USP6NL: variants seen among roughly 807,000 people sequenced by gnomAD.
USP6NL encodes USP6 N-terminal like.
A neutral mutation model predicts 61.9 loss-of-function variants in USP6NL; 26 were observed. The ratio of observed to expected loss-of-function variants is 0.42; its 90% confidence interval spans 0.31 to 0.58. USP6NL has a LOEUF of 0.58. USP6NL is among the 20% of genes least tolerant of loss of function. The probability of loss-of-function intolerance (pLI) is 0.16; values close to 1 mark genes in which losing one functional copy is unlikely to be tolerated. For missense variants in USP6NL, 1,114 were observed against 1,034.3 expected (o/e 1.08, Z -1.06); for synonymous variants, 432 against 390.1 (o/e 1.11, Z -1.27).
chr10:11,549,788 A>T (rs1191355088), intron 2 of USP6NL, among the ~76,000 whole-genome samples: 1 of 152,222 alleles, frequency 6.6e-6, no homozygotes, highest in African/African-American at 2.4e-5. Flanking sequence ...GGAAGTTACC[A>T]TCTCTTCTAC....
At position 11,590,709 on chromosome 10, in the gene USP6NL, T is replaced by C. The variant is rs771249862; in HGVS notation, c.4+6922A>G. On this transcript the variant is annotated intron_variant, in intron 2 of 14. Coordinates refer to ENST00000609104, the MANE Select transcript of USP6NL (RefSeq NM_014688.5). ...ATCAAACTCTATTTTCTAAAACTAA[T>C]GAAAGAGATAACAAGACGAATATTT... Among the ~76,000 whole-genome samples the C allele has an allele frequency of 2.0e-5, 3 of 152,076 alleles. No individual in the cohort carries two copies. In the East Asian group the frequency reaches 5.8e-4, roughly 29 times the overall value.
intron 1 of USP6NL, among the ~76,000 whole-genome samples, chr10:11,610,495 T>C (rs528164332): frequency 6.0e-4 from 91 of 152,356 alleles, no homozygotes; most frequent in African/African-American, 2.2e-3. Flanking sequence ...AAGTTCTGTG[T>C]AACTTTTCTA....
chr10:11,539,535 G>C (rs547994584), intron 2 of USP6NL, among the ~76,000 whole-genome samples: 1 of 152,336 alleles, frequency 6.6e-6, no homozygotes, highest in South Asian at 2.1e-4. Context: ...TACTACTGAA[G>C]AGAAACATAA....
In USP6NL at chr10:11,518,385, T is replaced by C. The variant is rs1325506221; in HGVS notation, c.195+150A>G. The C allele has an allele frequency of 2.8e-6, 2 of 717,508 alleles. No homozygotes were observed. Among genetic ancestry groups the C allele is most frequent in the African/African-American group, 1.8e-5 (1 of 54,748 alleles). 44.4% of individuals were successfully genotyped at this position (717,508 alleles called of 1,614,324 possible). A position where few individuals can be genotyped will look rare whatever the true frequency, so the allele number is the denominator to read the frequency against. ...AATATTATTTCACCATTAACTATTA[T>C]CTTACAGTGGCATAATGAGGTCCAA... On this transcript the variant is annotated intron_variant, in intron 5 of 14. Coordinates refer to ENST00000609104, the MANE Select transcript of USP6NL (RefSeq NM_014688.5). This position sits in a 1 kb window ranked among gnomAD's most constrained non-coding sequence, Gnocchi z 5.3.
Position 11,481,964 on chromosome 10 carries a change from T to C in USP6NL, c.926-42A>G. The C allele has an allele frequency of 6.5e-7, 1 of 1,549,864 alleles. No homozygotes were observed. The highest frequency in any genetic ancestry group is 8.7e-7 in the Non-Finnish European group (1 of 1,149,224). On this transcript the variant is annotated intron_variant, in intron 13 of 14. Transcript: ENST00000609104. This position sits in a 1 kb window ranked among gnomAD's most constrained non-coding sequence, Gnocchi z 4.4. Reference sequence around the variant, plus strand: ...GAAATGAAAATGCCAAGTCAATAGCTACTTTAGGTAGGAAGATATTCTATT... The same window carrying C: ...GAAATGAAAATGCCAAGTCAATAGCCACTTTAGGTAGGAAGATATTCTATT...
At chr10:11,527,249 G>A (rs974218054) in intron 3 of USP6NL, among the ~76,000 whole-genome samples, 1 of 152,178 alleles carries the variant, frequency 6.6e-6, no homozygotes, top group Non-Finnish European at 1.5e-5. Flanking sequence ...AAGTGTCCCA[G>A]GTAGAGGAAA....
At chr10:11,480,347 C>T (rs1355546565) in intron 14 of USP6NL, among the ~76,000 whole-genome samples, 1 of 152,148 alleles carries the variant, frequency 6.6e-6, no homozygotes, top group African/African-American at 2.4e-5. Context: ...AATTATCTCA[C>T]GTTTAAATAG....
In USP6NL at chr10:11,518,591, G is replaced by A; in HGVS notation, c.156-17C>T. ...TCCTCCTCACTGCAGAGGAAAAACA[G>A]TATTATATGAAATTGTTGAAATCAA... On this transcript the variant is annotated splice_polypyrimidine_tract_variant and intron_variant, in intron 4 of 14. Transcript: ENST00000609104. This position sits in a 1 kb window ranked among gnomAD's most constrained non-coding sequence, Gnocchi z 5.3. 6.2e-7 allele frequency: 1 copy of A among 1,604,214 alleles called. No homozygotes were observed. The highest frequency in any genetic ancestry group is 8.5e-7 in the Non-Finnish European group (1 of 1,175,552).
At chr10:11,546,545 G>T (rs1836278285) in intron 2 of USP6NL, among the ~76,000 whole-genome samples, 1 of 151,844 alleles carries the variant, frequency 6.6e-6, no homozygotes, top group African/African-American at 2.4e-5. Context: ...GGGACTACAG[G>T]TGCCCGCCAC....
intron 6 of USP6NL, among the ~76,000 whole-genome samples, chr10:11,506,161 T>C (rs960304396): frequency 1.3e-5 from 2 of 152,074 alleles, no homozygotes; most frequent in Non-Finnish European, 2.9e-5. Context: ...GCCTCCATTT[T>C]CCAGTCAGTT....
chr10:11,554,459 T>C (rs1027571623), intron 2 of USP6NL, among the ~76,000 whole-genome samples: 1 of 151,664 alleles, frequency 6.6e-6, no homozygotes, highest in Non-Finnish European at 1.5e-5. Context: ...CCTGAGAAAA[T>C]AAAAATTGGA....
chr10:11,568,989 T>C (rs767747947), intron 2 of USP6NL, among the ~76,000 whole-genome samples: 1 of 152,228 alleles, frequency 6.6e-6, no homozygotes, highest in Non-Finnish European at 1.5e-5. Flanking sequence ...GGGTGGACAA[T>C]GAACACTGTC....
intron 2 of USP6NL, among the ~76,000 whole-genome samples, chr10:11,584,257 T>C (rs1019001421): frequency 2.0e-5 from 3 of 152,180 alleles, no homozygotes; most frequent in Admixed American, 2.0e-4. Context: ...TTGGAATAAA[T>C]GTTAATTCAA....
At chr10:11,504,100 G>T (rs1267788844) in intron 6 of USP6NL, among the ~76,000 whole-genome samples, 2 of 152,036 alleles carry the variant, frequency 1.3e-5, no homozygotes, top group Non-Finnish European at 2.9e-5. Flanking sequence ...AACAAAACAT[G>T]AACACAAAAT....
Position 11,478,653 on chromosome 10 carries a change from C to T in USP6NL, c.1078+3117G>A, listed in dbSNP as rs1833066494. Among the ~76,000 whole-genome samples, 1 of 152,112 alleles carries T rather than the reference C, an allele frequency of 6.6e-6. No homozygotes were observed. Among genetic ancestry groups the T allele is most frequent in the Non-Finnish European group, 1.5e-5 (1 of 68,024 alleles). ...CTGGAGGCCGGATACTCCTGTTATC[C>T]TAGCACTTTGGGAGGCTGAGGTGGG... On this transcript the variant is annotated intron_variant, in intron 14 of 14. Coordinates refer to ENST00000609104, the MANE Select transcript of USP6NL (RefSeq NM_014688.5). This position sits in a 1 kb window ranked among gnomAD's most constrained non-coding sequence, Gnocchi z 6.8.
Position 11,468,170 on chromosome 10 carries a change from G to A in USP6NL, c.1079-4321C>T, listed in dbSNP as rs1832559592. 6.6e-6 allele frequency among the ~76,000 whole-genome samples: 1 copy of A among 152,142 alleles called. No homozygotes were observed. The highest frequency in any genetic ancestry group is 6.5e-5 in the Admixed American group (1 of 15,274). ...CATTTATTGATTCTTGCCTCAGACA[G>A]GCATCATGTTTACTTGTCTGTGATT... is the stretch of plus-strand genomic sequence containing the variant. On this transcript the variant is annotated intron_variant, in intron 14 of 14. Transcript: ENST00000609104. The surrounding 1 kb of genome is among the most constrained non-coding windows in gnomAD (Gnocchi z 4.5).
At position 11,489,535 on chromosome 10, in the gene USP6NL, T is replaced by C. The variant is rs1833623087; in HGVS notation, c.544-313A>G. On this transcript the variant is annotated intron_variant, in intron 9 of 14. Coordinates refer to ENST00000609104, the MANE Select transcript of USP6NL (RefSeq NM_014688.5). The surrounding 1 kb of genome is among the most constrained non-coding windows in gnomAD (Gnocchi z 5.7). ...TTTATGTATGATTCTTAGCTCACTA[T>C]TCCTCTTCTTTGCTCAGTTGCTGGC... is the stretch of plus-strand genomic sequence containing the variant. Among the ~76,000 whole-genome samples the C allele has an allele frequency of 6.6e-6, 1 of 152,244 alleles. No homozygotes were observed.
intron 7 of USP6NL, among the ~76,000 whole-genome samples, chr10:11,498,991 A>G (rs574431616): frequency 6.6e-6 from 1 of 152,352 alleles, no homozygotes; most frequent in South Asian, 2.1e-4. Flanking sequence ...ACGTTCTTCA[A>G]TACCACCCAC....
intron 6 of USP6NL, among the ~76,000 whole-genome samples, chr10:11,504,756 C>T (rs544726813): frequency 1.3e-5 from 2 of 152,294 alleles, no homozygotes; most frequent in South Asian, 4.1e-4. Flanking sequence ...AAGAGAAATA[C>T]GTAAGCTGAT....
Sources: gnomAD v4.1 joint callset for allele counts (sites outside exome capture counted in the v4.1 genomes callset) on GRCh38, gnomAD v4.1.1 for gene constraint, Gnocchi (gnomAD v3.1) non-coding constraint, MANE v1.5 for transcripts, NCBI Gene and HGNC (gene_info 2026-07-23, HGNC 2026-07-21) for gene names.